Variants in ATP2B1 observed in about 807,000 individuals in gnomAD.
ATP2B1 encodes the protein ATPase plasma membrane Ca2+ transporting 1.
A neutral mutation model predicts 124.2 loss-of-function variants in ATP2B1; 14 were observed. The observed-to-expected ratio is 0.11, with a 90% CI of 0.07 to 0.18. The LOEUF is 0.18. Ranked by LOEUF, ATP2B1 falls within the 10% of genes least tolerant of loss-of-function variation. ATP2B1 has a pLI of 1.00. For missense variants in ATP2B1, 763 were observed against 1,466.1 expected, an observed-to-expected ratio of 0.52 and a Z score of 7.83; for synonymous variants, 449 against 492.4, an observed-to-expected ratio of 0.91 and a Z score of 1.17.
intron 1 of ATP2B1, 22 bp downstream of exon 1, chr12:89,708,574 G>A (rs1322748804): frequency 1.3e-5 from 2 of 151,604 alleles, no homozygotes; most frequent in Admixed American, 1.3e-4. Flanking sequence ...CCGGCCGCGG[G>A]CGGGCGGCGG....
chr12:89,597,907 T>G (rs1874955543), intron 20 of ATP2B1, among the ~76,000 whole-genome samples: 1 of 151,780 alleles, frequency 6.6e-6, no homozygotes, highest in Admixed American at 6.6e-5. Context: ...AACAGAACAT[T>G]TCTTATCTAT....
At chr12:89,625,512 G>A (rs982031132) in intron 8 of ATP2B1, among the ~76,000 whole-genome samples, 1 of 150,840 alleles carries the variant, frequency 6.6e-6, no homozygotes, top group Non-Finnish European at 1.5e-5. Context: ...TGAGCCTTGG[G>A]ATGTGGAGGG....
intron 1 of ATP2B1, among the ~76,000 whole-genome samples, chr12:89,687,065 C>T (rs1486813811): frequency 3.9e-5 from 6 of 151,966 alleles, no homozygotes; most frequent in African/African-American, 1.2e-4. Context: ...TGTCGTTATT[C>T]CCTGAACAAT....
chr12:89,604,624 AAGCCAC>A (rs1283976774), intron 15 of ATP2B1, among the ~76,000 whole-genome samples: 1 of 152,178 alleles, frequency 6.6e-6, no homozygotes, highest in Non-Finnish European at 1.5e-5. Flanking sequence ...TTCCTTCCAA[AAGCCAC>A]ACAAAAAGGT....
chr12:89,674,715 T>C (rs770892311), intron 1 of ATP2B1, among the ~76,000 whole-genome samples: 5 of 152,132 alleles, frequency 3.3e-5, no homozygotes, highest in Admixed American at 1.3e-4. Flanking sequence ...GTTAAGAAAT[T>C]TGTCCAAGTT....
chr12:89,650,252 ATTC>A (rs2136310573), intron 2 of ATP2B1, among the ~76,000 whole-genome samples: 1 of 152,318 alleles, frequency 6.6e-6, no homozygotes, highest in South Asian at 2.1e-4. Flanking sequence ...GTTTATGTTT[ATTC>A]TTCTTGGGAA....
chr12:89,640,190 T>G (rs892672114), intron 3 of ATP2B1, among the ~76,000 whole-genome samples: 3 of 152,246 alleles, frequency 2.0e-5, no homozygotes, highest in African/African-American at 7.2e-5. Context: ...CCAGTGAATA[T>G]TATTTCCTTT....
In ATP2B1 at chr12:89,637,438, G is replaced by A. The variant is rs533691581; in HGVS notation, c.407-2187C>T. On this transcript the variant is annotated intron_variant, in intron 3 of 20. Coordinates refer to ENST00000428670, the MANE Select transcript of ATP2B1 (RefSeq NM_001366521.1). Reference sequence around the variant, plus strand: ...TTAATTTTTTCTTTTTTGAGACAGAGTCTCACTTTGTTGCTCAGGCTGGAG... The same window carrying A: ...TTAATTTTTTCTTTTTTGAGACAGAATCTCACTTTGTTGCTCAGGCTGGAG... Among the ~76,000 whole-genome samples the A allele has an allele frequency of 4.0e-5, 6 of 150,604 alleles. No homozygotes were observed. In the East Asian group the frequency reaches 9.7e-4, roughly 24 times the overall value.
chr12:89,623,770 T>A (rs192250462), intron 9 of ATP2B1, among the ~76,000 whole-genome samples: 8 of 152,356 alleles, frequency 5.3e-5, no homozygotes, highest in African/African-American at 1.9e-4. Context: ...CTAATTGTCA[T>A]GAGAACTGAC....
At chr12:89,594,344 ATACTT>A (rs1308425222) in intron 20 of ATP2B1, 3 of 152,022 alleles carry the variant, frequency 2.0e-5, no homozygotes, top group Non-Finnish European at 2.9e-5. Context: ...TTTGTGCACA[ATACTT>A]TAGGTAGGAA....
chr12:89,633,406 CTCG>C, intron 5 of ATP2B1, among the ~76,000 whole-genome samples: 1 of 151,588 alleles, frequency 6.6e-6, no homozygotes, highest in Non-Finnish European at 1.5e-5. Flanking sequence ...CACCCATTAA[CTCG>C]TCATTTAGCA....
At chr12:89,640,450 T>C (rs1200359987) in intron 3 of ATP2B1, among the ~76,000 whole-genome samples, 1 of 152,118 alleles carries the variant, frequency 6.6e-6, no homozygotes, top group African/African-American at 2.4e-5. Context: ...TTGTGACAAA[T>C]AATTTTGCCG....
At chr12:89,669,395 G>C (rs1054534130) in intron 1 of ATP2B1, among the ~76,000 whole-genome samples, 3 of 152,144 alleles carry the variant, frequency 2.0e-5, no homozygotes, top group Non-Finnish European at 4.4e-5. Context: ...AAGAAGCAAA[G>C]ATTTTTTTCA....
chr12:89,614,410 A>AT (rs771148220), intron 12 of ATP2B1, among the ~76,000 whole-genome samples: 3 of 152,192 alleles, frequency 2.0e-5, no homozygotes, highest in Non-Finnish European at 4.4e-5. Context: ...CATGGCAAAC[A>AT]TTACCCACCT....
At position 89,596,868 on chromosome 12, in the gene ATP2B1, C is replaced by A. The variant is rs111254635; in HGVS notation, c.3351+2249G>T. Among the ~76,000 whole-genome samples, 49 of 152,136 alleles carry A rather than the reference C, an allele frequency of 3.2e-4. 1 individual carries two copies. Among genetic ancestry groups the A allele is most frequent in the African/African-American group, 1.1e-3 (46 of 41,506 alleles). Reference sequence around the variant, plus strand: ...CCCTTAGTTTATTACTCTTTCAGTACCAGACTATTATCAATCCCTTAGTTT... The same window carrying A: ...CCCTTAGTTTATTACTCTTTCAGTAACAGACTATTATCAATCCCTTAGTTT... On this transcript the variant is annotated intron_variant, in intron 20 of 20. Coordinates refer to ENST00000428670, the MANE Select transcript of ATP2B1 (RefSeq NM_001366521.1).
intron 18 of ATP2B1, among the ~76,000 whole-genome samples, chr12:89,601,885 A>G (rs1875922923): frequency 6.6e-6 from 1 of 152,246 alleles, no homozygotes; most frequent in African/African-American, 2.4e-5. Flanking sequence ...AAAATGCACA[A>G]TATTAAAAAA....
chr12:89,707,186 A>C (rs1404335196), intron 1 of ATP2B1, among the ~76,000 whole-genome samples: 3 of 152,102 alleles, frequency 2.0e-5, no homozygotes, highest in Non-Finnish European at 4.4e-5. Context: ...AAGGACAGGG[A>C]GTCTCGGGAA....
intron 1 of ATP2B1, among the ~76,000 whole-genome samples, chr12:89,675,412 G>A (rs1320763172): frequency 2.6e-5 from 4 of 152,094 alleles, no homozygotes; most frequent in Admixed American, 2.6e-4. Context: ...CATTCTGATG[G>A]ATGACGACCT....
rs1328102906 is a variant in ATP2B1 at position 89,620,052 on chromosome 12, T to C, written c.1776A>G (p.Ser592=). 4 of 1,614,116 alleles carry C rather than the reference T, an allele frequency of 2.5e-6. No homozygotes were observed. The Admixed American group carries it at 6.7e-5, about 27-fold the overall frequency. The stretch of plus-strand genomic sequence containing the variant: ...TGCTGAATATTCGATAACTTCCATC[T>C]GAATTTTTCAGGACAGTACTCATGG... ...RKSMSTVLKN[S]DGSYRIFSKG... Residue 592 remains serine, a synonymous_variant, in exon 11 of 21, where the codon TCA becomes TCG. Coordinates refer to ENST00000428670, the MANE Select transcript of ATP2B1 (RefSeq NM_001366521.1).
Sources: gnomAD v4.1 joint callset for allele counts (sites outside exome capture counted in the v4.1 genomes callset) on GRCh38, gnomAD v4.1.1 for gene constraint, MANE v1.5 for transcripts, NCBI Gene and HGNC (gene_info 2026-07-23, HGNC 2026-07-21) for gene names.